The following HOMER2 variants were observed in gnomAD, a reference collection of about 807,000 sequenced individuals.
The protein encoded by HOMER2 is homer protein homolog 2.
A neutral mutation model predicts 47.0 loss-of-function variants in HOMER2; 27 were observed. The ratio of observed to expected loss-of-function variants is 0.57; its 90% CI spans 0.42 to 0.79. The LOEUF is 0.79. Ranked by LOEUF, HOMER2 falls within the 30% of genes least tolerant of loss-of-function variation. The pLI, the probability that HOMER2 is intolerant of heterozygous loss-of-function variation, is 0.00. For synonymous variants in HOMER2, 161 were observed against 163.8 expected (o/e 0.98, Z 0.13); for missense variants, 443 against 435.0 (o/e 1.02, Z -0.16).
chr15:82,868,713 G>A (rs1470993570), intron 3 of HOMER2, among the ~76,000 whole-genome samples: 4 of 150,034 alleles, frequency 2.7e-5, no homozygotes, highest in Non-Finnish European at 5.9e-5. Flanking sequence ...CACCACGCCC[G>A]GCTAATTTTG....
chr15:82,983,675 G>T (rs1332955013), intron 1 of HOMER2, among the ~76,000 whole-genome samples: 1 of 151,540 alleles, frequency 6.6e-6, no homozygotes, highest in Non-Finnish European at 1.5e-5. Context: ...TGCAACCTCT[G>T]CCTCCCAAGT....
intron 3 of HOMER2, among the ~76,000 whole-genome samples, chr15:82,869,848 T>A (rs556319987): frequency 1.3e-5 from 2 of 152,206 alleles, no homozygotes; most frequent in East Asian, 3.9e-4. Context: ...GGCTTTTAAA[T>A]TTTTTTTATG....
At chr15:82,869,481 CAG>C (rs2052107690) in intron 3 of HOMER2, among the ~76,000 whole-genome samples, 2 of 54,928 alleles carry the variant, frequency 3.6e-5, no homozygotes, top group East Asian at 8.1e-4. Flanking sequence ...TTTTTTGAGA[CAG>C]AGTCTCACTC....
At position 82,917,664 on chromosome 15, in the gene HOMER2, C is replaced by G. The variant is rs148729530; in HGVS notation, c.6-24823G>C. On this transcript the variant is annotated intron_variant, in intron 1 of 8. Coordinates refer to ENST00000450735, the MANE Select transcript of HOMER2 (RefSeq NM_004839.4). ...AAGGGAAGTCTTCAAGGAAGGAAAA[C>G]TAGTTAAGAAGAATAAACCCATTGT... Among the ~76,000 whole-genome samples the G allele has an allele frequency of 2.3e-3, 343 of 152,268 alleles. 2 individuals carry two copies. The highest frequency in any genetic ancestry group is 7.5e-3 in the African/African-American group (311 of 41,572).
At chr15:82,923,118 C>T (rs2053773221) in intron 1 of HOMER2, among the ~76,000 whole-genome samples, 1 of 152,144 alleles carries the variant, frequency 6.6e-6, no homozygotes, top group Non-Finnish European at 1.5e-5. Flanking sequence ...ATGTGTTCCC[C>T]CCAAATTGGG....
At chr15:82,978,210 C>T (rs1213702159) in intron 1 of HOMER2, among the ~76,000 whole-genome samples, 1 of 152,100 alleles carries the variant, frequency 6.6e-6, no homozygotes, top group Non-Finnish European at 1.5e-5. Flanking sequence ...ATTAACCGAG[C>T]ACCAACTATG....
At chr15:82,840,236 A>C (rs753429969) in exon 2 of HOMER2, 35 of 152,158 alleles carry the variant, frequency 2.3e-4, no homozygotes, top group Non-Finnish European at 4.1e-4. Flanking sequence ...TAAAGGAAAA[A>C]ATTAAGAACA....
At chr15:82,910,774 T>C (rs1026241664) in intron 1 of HOMER2, among the ~76,000 whole-genome samples, 2 of 152,192 alleles carry the variant, frequency 1.3e-5, no homozygotes, top group Non-Finnish European at 2.9e-5. Flanking sequence ...GCCTGTTCAA[T>C]GGTCACCAGG....
chr15:82,851,154 T>TA lies in HOMER2; in HGVS notation c.839dup (p.Glu281ArgfsTer22), dbSNP rs1258308911. On this transcript the variant is annotated frameshift_variant, in exon 8 of 9. Coordinates refer to ENST00000450735, the MANE Select transcript of HOMER2 (RefSeq NM_004839.4). LOFTEE classifies it high-confidence loss of function. ...GCTGTGCCCCCAACCCACGTACCTC[T>TA]AGCTTCTCAGAGACATATTCGCACT... 5.7e-6 allele frequency: 9 copies of TA among 1,578,692 alleles called. No homozygotes were observed. Among genetic ancestry groups the TA allele is most frequent in the Non-Finnish European group, 7.8e-6 (9 of 1,160,076 alleles).
chr15:82,858,714 C>G (rs1395600085), intron 5 of HOMER2, among the ~76,000 whole-genome samples: 2 of 151,982 alleles, frequency 1.3e-5, no homozygotes, highest in African/African-American at 2.4e-5. Context: ...CATGTACACT[C>G]AATCACACAC....
intron 3 of HOMER2, among the ~76,000 whole-genome samples, chr15:82,872,706 T>TC (rs1454827697): frequency 6.6e-6 from 1 of 152,144 alleles, no homozygotes; most frequent in African/African-American, 2.4e-5. Flanking sequence ...CCTCCAGCTA[T>TC]CCTGTTGTCG....
At chr15:82,864,617 G>T (rs1054134938) in intron 3 of HOMER2, among the ~76,000 whole-genome samples, 1 of 152,104 alleles carries the variant, frequency 6.6e-6, no homozygotes, top group African/African-American at 2.4e-5. Context: ...TTTTCTAGAT[G>T]AATACTAAGT....
intron 1 of HOMER2, among the ~76,000 whole-genome samples, chr15:82,919,556 T>C (rs916689999): frequency 1.3e-5 from 2 of 152,210 alleles, no homozygotes; most frequent in Non-Finnish European, 2.9e-5. Context: ...CAGATCAAAC[T>C]GACCTCAGGT....
At chr15:82,952,379 C>T (rs2054525093) in intron 1 of HOMER2, among the ~76,000 whole-genome samples, 152 bp downstream of exon 1, 1 of 152,098 alleles carries the variant, frequency 6.6e-6, no homozygotes, top group Non-Finnish European at 1.5e-5. Context: ...GGTCAGGTGG[C>T]CCCAGACTCC....
intron 1 of HOMER2, among the ~76,000 whole-genome samples, chr15:82,924,608 C>A (rs771654719): frequency 2.6e-5 from 4 of 152,178 alleles, no homozygotes; most frequent in Non-Finnish European, 5.9e-5. Flanking sequence ...ACAGAAAATG[C>A]CTTTCCATGG....
At chr15:82,842,461 A>ATTTTTTTTTTTTTTTTTT (rs372884842) in exon 2 of HOMER2, 13 of 112,794 alleles carry the variant, frequency 1.2e-4, no homozygotes, top group Non-Finnish European at 1.6e-4. Context: ...CAGCCAGCTA[A>ATTTTTTTTTTTTTTTTTT]TTTTTTTTTT....
At chr15:82,857,115 C>T (rs536622812) in intron 5 of HOMER2, among the ~76,000 whole-genome samples, 13 of 151,880 alleles carry the variant, frequency 8.6e-5, no homozygotes, top group Admixed American at 5.2e-4. Flanking sequence ...GGCGGGGGGG[C>T]GGGTGTTGAG....
intron 1 of HOMER2, among the ~76,000 whole-genome samples, chr15:82,931,634 C>T (rs952733322): frequency 1.3e-5 from 2 of 151,128 alleles, no homozygotes; most frequent in Non-Finnish European, 2.9e-5. Context: ...GTCAGGAGAT[C>T]GAGACCATCC....
chr15:82,905,374 A>G (rs2053258060), intron 1 of HOMER2, among the ~76,000 whole-genome samples: 1 of 152,052 alleles, frequency 6.6e-6, no homozygotes, highest in Non-Finnish European at 1.5e-5. Flanking sequence ...TAGAAGGAGA[A>G]GAGGGAAAGA....
Sources: gnomAD v4.1 joint callset for allele counts (sites outside exome capture counted in the v4.1 genomes callset) on GRCh38, gnomAD v4.1.1 for gene constraint, MANE v1.5 for transcripts, NCBI Gene and HGNC (gene_info 2026-07-23, HGNC 2026-07-21) for gene names.